The following MPPED2 variants were observed in gnomAD, a reference collection of about 807,000 sequenced individuals.
MPPED2 encodes metallophosphoesterase MPPED2.
In MPPED2, 5 loss-of-function variants were observed where a neutral mutation model predicts 33.0. That is an observed-to-expected ratio of 0.15 (90% CI 0.08 to 0.32). The LOEUF is 0.32. Among genes scored for constraint, MPPED2 ranks in the 10% least tolerant of loss-of-function variants. The probability of loss-of-function intolerance (pLI) is 1.00; values close to 1 mark genes in which losing one functional copy is unlikely to be tolerated. For missense variants in MPPED2, 275 were observed against 372.1 expected (o/e 0.74, Z 2.15); for synonymous variants, 136 against 141.9 (o/e 0.96, Z 0.29).
At chr11:30,428,164 G>C (rs973108410) in intron 4 of MPPED2, among the ~76,000 whole-genome samples, 4 of 152,114 alleles carry the variant, frequency 2.6e-5, no homozygotes, top group Admixed American at 2.6e-4. Context: ...ATTCATTCAT[G>C]GAATGAATAT....
intron 4 of MPPED2, among the ~76,000 whole-genome samples, chr11:30,447,953 A>G (rs576024467): frequency 3.6e-4 from 55 of 152,320 alleles, no homozygotes; most frequent in African/African-American, 1.3e-3. Context: ...GATAAAATTC[A>G]TATTTACACC....
rs1948073844 is a variant in MPPED2, at chr11:30,410,779, C to T, written c.*689G>A. 1 of 985,072 alleles carries T rather than the reference C, an allele frequency of 1.0e-6. No individual in the cohort carries two copies. The highest frequency in any genetic ancestry group is 1.2e-6 in the Non-Finnish European group (1 of 829,370). The allele number at this position is 985,072 out of a possible 1,614,324, so 61.0% of individuals were successfully genotyped here. Reference sequence around the variant, plus strand: ...TTTTTAACCGTATGAAATACCTGCTCTTGACAGATTCCATTTCTGTATTTT... The same window carrying T: ...TTTTTAACCGTATGAAATACCTGCTTTTGACAGATTCCATTTCTGTATTTT... On this transcript the variant is annotated 3_prime_UTR_variant, in exon 7 of 7. Transcript: ENST00000358117.
intron 4 of MPPED2, among the ~76,000 whole-genome samples, chr11:30,474,635 A>C (rs1166365617): frequency 6.6e-6 from 1 of 152,200 alleles, no homozygotes; most frequent in Non-Finnish European, 1.5e-5. Flanking sequence ...CTGAATGTAA[A>C]GCTCAAACTG....
At chr11:30,569,443 A>G (rs1183345808) in intron 2 of MPPED2, among the ~76,000 whole-genome samples, 1 of 152,186 alleles carries the variant, frequency 6.6e-6, no homozygotes, top group East Asian at 1.9e-4. Context: ...TTTCCTCACC[A>G]TTCTTCTCTC....
chr11:30,429,730 C>T (rs566042120), intron 4 of MPPED2, among the ~76,000 whole-genome samples: 20 of 152,262 alleles, frequency 1.3e-4, no homozygotes, highest in Admixed American at 1.0e-3. Flanking sequence ...TCATCACAGG[C>T]AAAACTGTTC....
exon 7 of MPPED2, chr11:30,385,195 T>C (rs1369334011): frequency 6.6e-6 from 1 of 152,200 alleles, no homozygotes; most frequent in Admixed American, 6.5e-5. Flanking sequence ...GATAATCAGG[T>C]GTCATCTCTT....
chr11:30,492,115 C>G (rs1376410341), intron 4 of MPPED2, among the ~76,000 whole-genome samples: 1 of 152,236 alleles, frequency 6.6e-6, no homozygotes, highest in Non-Finnish European at 1.5e-5. Context: ...TAAATGATAT[C>G]AATCCAGTTC....
At chr11:30,460,205 T>G (rs1950463901) in intron 4 of MPPED2, among the ~76,000 whole-genome samples, 1 of 152,228 alleles carries the variant, frequency 6.6e-6, no homozygotes, top group Non-Finnish European at 1.5e-5. Context: ...TTCTGCATTT[T>G]GCCATAGTTT....
intron 6 of MPPED2, among the ~76,000 whole-genome samples, chr11:30,397,617 T>A (rs1947854653): frequency 6.6e-6 from 1 of 152,156 alleles, no homozygotes; most frequent in Non-Finnish European, 1.5e-5. Flanking sequence ...GTAGCTCACA[T>A]GTGTCAGGTA....
chr11:30,457,382 C>CA (rs146074145), intron 4 of MPPED2, among the ~76,000 whole-genome samples: 15,380 of 129,284 alleles, frequency 0.12, 1,020 homozygotes, highest in East Asian at 0.26. Flanking sequence ...CCTAATTTTC[C>CA]AAAAAAAAAA....
At chr11:30,536,972 T>C (rs1435922013) in intron 2 of MPPED2, among the ~76,000 whole-genome samples, 1 of 152,170 alleles carries the variant, frequency 6.6e-6, no homozygotes, top group African/African-American at 2.4e-5. Flanking sequence ...TATACGTTAA[T>C]ATATGTATAG....
intron 4 of MPPED2, among the ~76,000 whole-genome samples, chr11:30,464,878 A>T (rs769694446): frequency 1.4e-4 from 21 of 152,214 alleles, no homozygotes; most frequent in Non-Finnish European, 2.4e-4. Flanking sequence ...CAAATAAGAC[A>T]CCACGGATAT....
At chr11:30,401,373 A>G (rs1431362643) in intron 6 of MPPED2, among the ~76,000 whole-genome samples, 1 of 152,156 alleles carries the variant, frequency 6.6e-6, no homozygotes, top group Non-Finnish European at 1.5e-5. Context: ...CCAGCACAGG[A>G]GGGCCTTATG....
Position 30,411,555 on chromosome 11 carries a change from C to T in MPPED2, c.798G>A (p.Thr266=), listed in dbSNP as rs1393737345. 6 of 1,613,496 alleles carry T rather than the reference C, an allele frequency of 3.7e-6. No individual in the cohort carries two copies. Among genetic ancestry groups the T allele is most frequent in the African/African-American group, 2.7e-5 (2 of 74,892 alleles). ...CTGTACACGTCGAGGCATTGATGTA[C>T]GTTGTGTAACCGTCGGTCATGATGC... ...GYGIMTDGYT[T]YINASTCTVS... The change falls in exon 7 of 7, where the codon ACG becomes ACA. Residue 266 remains threonine (T), a synonymous_variant. Coordinates refer to ENST00000358117, the MANE Select transcript of MPPED2 (RefSeq NM_001584.3).
chr11:30,556,255 G>C (rs1346464183), intron 2 of MPPED2, among the ~76,000 whole-genome samples: 1 of 152,110 alleles, frequency 6.6e-6, no homozygotes, highest in Non-Finnish European at 1.5e-5. Context: ...TCATTTTACA[G>C]ACTAAGGAAT....
chr11:30,512,956 G>A (rs186500151), intron 3 of MPPED2, among the ~76,000 whole-genome samples: 68 of 151,948 alleles, frequency 4.5e-4, no homozygotes, highest in African/African-American at 1.4e-3. Flanking sequence ...CCAAGATCAC[G>A]CCACTGCACT....
intron 5 of MPPED2, among the ~76,000 whole-genome samples, chr11:30,416,100 T>C (rs192870070): frequency 6.6e-6 from 1 of 152,260 alleles, no homozygotes; most frequent in Non-Finnish European, 1.5e-5. Flanking sequence ...TATGACTTGA[T>C]AAAGGTTGTT....
intron 3 of MPPED2, among the ~76,000 whole-genome samples, chr11:30,522,504 T>G (rs1458888029): frequency 6.6e-6 from 1 of 152,154 alleles, no homozygotes; most frequent in African/African-American, 2.4e-5. Flanking sequence ...GAGTGTTCAT[T>G]GTATTATTCT....
In MPPED2 at chr11:30,410,460, G is replaced by A; in HGVS notation, c.*1008C>T. ...TGGGAGAGGGGAGAGGAAGTAAGAA[G>A]ACAACTTGGGGTATTTAAATAGAAA... On this transcript the variant is annotated 3_prime_UTR_variant, in exon 7 of 7. Transcript: ENST00000358117. 4 of 985,782 alleles carry A rather than the reference G, an allele frequency of 4.1e-6. No individual in the cohort carries two copies. The highest frequency in any genetic ancestry group is 4.8e-6 in the Non-Finnish European group (4 of 829,934). 61.1% of individuals were successfully genotyped at this position (985,782 alleles called of 1,614,324 possible).
Sources: gnomAD v4.1 joint callset for allele counts (sites outside exome capture counted in the v4.1 genomes callset) on GRCh38, gnomAD v4.1.1 for gene constraint, MANE v1.5 for transcripts, NCBI Gene and HGNC (gene_info 2026-07-23, HGNC 2026-07-21) for gene names.